Variants in SERGEF observed in about 807,000 individuals in gnomAD.
The protein encoded by SERGEF is secretion-regulating guanine nucleotide exchange factor.
A neutral mutation model predicts 50.0 loss-of-function variants in SERGEF; 51 were observed. The ratio of observed to expected loss-of-function variants is 1.02; its 90% CI spans 0.81 to 1.29. SERGEF has a LOEUF of 1.29. Ranked by LOEUF, SERGEF falls within the 50% of genes most tolerant of loss-of-function variation. The pLI is 0.00. For missense variants in SERGEF, 521 were observed against 557.0 expected (o/e 0.94, Z 0.65); for synonymous variants, 205 against 212.4 (o/e 0.97, Z 0.30).
At chr11:17,959,707 C>G in intron 8 of SERGEF, 71 bp from the exon 9 acceptor site, 1 of 1,354,070 alleles carries the variant, frequency 7.4e-7, no homozygotes, top group Non-Finnish European at 1.0e-6. Flanking sequence ...CAATGAATTA[C>G]AAGAGAAAGT....
chr11:17,969,435 C>A (rs775255958), intron 8 of SERGEF, among the ~76,000 whole-genome samples: 2 of 152,122 alleles, frequency 1.3e-5, no homozygotes, highest in Non-Finnish European at 2.9e-5. Context: ...TTCTCCCTCC[C>A]GGCAAGAAAG....
At chr11:17,849,327 C>T (rs1850671777) in intron 10 of SERGEF, among the ~76,000 whole-genome samples, 1 of 152,198 alleles carries the variant, frequency 6.6e-6, no homozygotes, top group South Asian at 2.1e-4. Flanking sequence ...AAAAGCATTT[C>T]CTGACTCTGG....
At chr11:17,839,441 G>A (rs752120246) in intron 10 of SERGEF, among the ~76,000 whole-genome samples, 12 of 152,172 alleles carry the variant, frequency 7.9e-5, no homozygotes, top group African/African-American at 2.9e-4. Context: ...TCTTCCAGGG[G>A]TCAGATTGCA....
intron 9 of SERGEF, among the ~76,000 whole-genome samples, chr11:17,880,256 C>T (rs962042054): frequency 6.6e-5 from 10 of 152,190 alleles, no homozygotes; most frequent in Non-Finnish European, 1.2e-4. Flanking sequence ...CTGAGGGCTC[C>T]CACTATGCCT....
At chr11:17,807,513 G>T (rs933869825) in intron 10 of SERGEF, among the ~76,000 whole-genome samples, 1 of 152,188 alleles carries the variant, frequency 6.6e-6, no homozygotes, top group African/African-American at 2.4e-5. Flanking sequence ...TCACCCAGGG[G>T]GTAATGCGGT....
chr11:17,866,459 T>C (rs1387316808), intron 10 of SERGEF, among the ~76,000 whole-genome samples: 1 of 152,216 alleles, frequency 6.6e-6, no homozygotes, highest in Non-Finnish European at 1.5e-5. Context: ...AAGTACACTT[T>C]ATATTGCTTA....
At chr11:17,859,077 A>T (rs1850877667) in intron 10 of SERGEF, among the ~76,000 whole-genome samples, 1 of 152,202 alleles carries the variant, frequency 6.6e-6, no homozygotes, top group Admixed American at 6.5e-5. Context: ...GGAGTGTGAA[A>T]AAAGGTGGAT....
chr11:17,965,626 C>T (rs211094), intron 8 of SERGEF, among the ~76,000 whole-genome samples: 152,336 of 152,338 alleles, frequency 1, 76,167 homozygotes, highest in Non-Finnish European at 1. Flanking sequence ...TTAATGTGTG[C>T]CTCCTCTTCC....
intron 10 of SERGEF, chr11:17,846,498 C>A (rs1006948547): frequency 5.6e-6 from 2 of 358,320 alleles, no homozygotes; most frequent in Non-Finnish European, 1.1e-5. Context: ...CAGATAAGTT[C>A]AGATGGAGAA....
At chr11:17,909,149 C>T (rs1019291954) in intron 9 of SERGEF, among the ~76,000 whole-genome samples, 2 of 152,226 alleles carry the variant, frequency 1.3e-5, no homozygotes, top group Admixed American at 6.5e-5. Flanking sequence ...CCACCACTTA[C>T]TACCTCTGTG....
chr11:17,857,131 G>A (rs1850835231), intron 10 of SERGEF, among the ~76,000 whole-genome samples: 1 of 152,322 alleles, frequency 6.6e-6, no homozygotes, highest in African/African-American at 2.4e-5. Context: ...AGTGACAAAG[G>A]TGGGACCTTT....
At chr11:17,994,585 G>A (rs2299626) in intron 6 of SERGEF, among the ~76,000 whole-genome samples, 29,321 of 151,714 alleles carry the variant, frequency 0.19, 3,656 homozygotes, top group Non-Finnish European at 0.27. Flanking sequence ...AGAGAAATGA[G>A]AAGGCAGGAT....
intron 10 of SERGEF, among the ~76,000 whole-genome samples, chr11:17,811,730 C>CA (rs1381424769): frequency 6.6e-6 from 1 of 152,174 alleles, no homozygotes; most frequent in African/African-American, 2.4e-5. Flanking sequence ...AGGTAACTTC[C>CA]AGGGAGCTCC....
At chr11:17,832,417 T>C (rs998395072) in intron 10 of SERGEF, among the ~76,000 whole-genome samples, 78 of 152,220 alleles carry the variant, frequency 5.1e-4, no homozygotes, top group African/African-American at 1.9e-3. Context: ...GTAAGTCCAA[T>C]TTAACCTCTT....
chr11:17,805,419 G>C (rs1190803810), intron 10 of SERGEF, among the ~76,000 whole-genome samples: 3 of 152,224 alleles, frequency 2.0e-5, no homozygotes, highest in African/African-American at 7.2e-5. Context: ...TGGGCGTACA[G>C]CCTTGCTGAG....
chr11:17,936,457 G>C (rs1376494786), intron 9 of SERGEF, among the ~76,000 whole-genome samples: 1 of 152,152 alleles, frequency 6.6e-6, no homozygotes, highest in African/African-American at 2.4e-5. Flanking sequence ...ATCCAAAGTA[G>C]CCCTAATAAT....
At chr11:17,959,762 C>T in intron 8 of SERGEF, 126 bp from the exon 9 acceptor site, 1 of 795,554 alleles carries the variant, frequency 1.3e-6, no homozygotes, top group Non-Finnish European at 1.9e-6. Context: ...TTCCTATCTT[C>T]CTGTAAAGAA....
intron 10 of SERGEF, among the ~76,000 whole-genome samples, chr11:17,830,284 A>G (rs1359390125): frequency 6.6e-6 from 1 of 152,214 alleles, no homozygotes; most frequent in Non-Finnish European, 1.5e-5. Flanking sequence ...GAAGTAGGGG[A>G]TGTTGAAGAA....
chr11:17,807,329 C>A (rs942648836), intron 10 of SERGEF, among the ~76,000 whole-genome samples: 8 of 60,518 alleles, frequency 1.3e-4, no homozygotes, highest in Admixed American at 2.2e-4. Context: ...TCAAAGAACT[C>A]CCCCCCCACA....
Sources: allele counts gnomAD v4.1 joint callset (sites outside exome capture counted in the v4.1 genomes callset), GRCh38; gene constraint gnomAD v4.1.1; transcripts MANE v1.5; gene names NCBI Gene and HGNC (gene_info 2026-07-23, HGNC 2026-07-21).